The following PGBD5 variants were observed in gnomAD, a reference collection of about 807,000 sequenced individuals.
PGBD5 encodes piggyBac transposable element-derived protein 5.
In PGBD5, 14 loss-of-function variants were observed where a neutral mutation model predicts 47.9. The observed-to-expected ratio is 0.29, with a 90% CI of 0.19 to 0.46. The LOEUF is 0.46. Among genes scored for constraint, PGBD5 ranks in the 20% least tolerant of loss-of-function variants. The probability of loss-of-function intolerance (pLI) is 1.00; values close to 1 mark genes in which losing one functional copy is unlikely to be tolerated. For synonymous variants in PGBD5, 316 were observed against 306.3 expected (o/e 1.03, Z -0.33); for missense variants, 635 against 716.0 (o/e 0.89, Z 1.29).
intron 1 of PGBD5, among the ~76,000 whole-genome samples, chr1:230,415,754 GA>G (rs943701925): frequency 2.6e-5 from 4 of 152,202 alleles, no homozygotes; most frequent in African/African-American, 9.6e-5. Context: ...GGCAATGGGG[GA>G]AGACAGGTTT....
At chr1:230,373,541 A>G (rs1433959920) in intron 1 of PGBD5, among the ~76,000 whole-genome samples, 1 of 152,244 alleles carries the variant, frequency 6.6e-6, no homozygotes, top group Non-Finnish European at 1.5e-5. Context: ...AGCATGCTTA[A>G]AAGACCAGCT....
At chr1:230,351,520 T>C (rs574981454) in intron 2 of PGBD5, among the ~76,000 whole-genome samples, 7 of 152,152 alleles carry the variant, frequency 4.6e-5, no homozygotes, top group Non-Finnish European at 8.8e-5. Context: ...AAGTTCCAAC[T>C]GCTAAAAAAG....
chr1:230,388,415 A>G (rs1330509194), intron 1 of PGBD5, among the ~76,000 whole-genome samples: 3 of 134,490 alleles, frequency 2.2e-5, no homozygotes, highest in South Asian at 4.8e-4. Context: ...TGTTGGCCAC[A>G]TTTTTTTTTT....
intron 1 of PGBD5, among the ~76,000 whole-genome samples, chr1:230,400,206 T>A (rs1482773966): frequency 6.6e-6 from 1 of 152,138 alleles, no homozygotes; most frequent in Non-Finnish European, 1.5e-5. Flanking sequence ...CTCACCTGGA[T>A]GGGAGGGATC....
Position 230,400,441 on chromosome 1 carries a change from C to T in PGBD5, c.331+25157G>A, listed in dbSNP as rs146582518. 2.1e-3 allele frequency among the ~76,000 whole-genome samples: 325 copies of T among 152,116 alleles called. 12 individuals are homozygous for T. In the East Asian group the frequency reaches 0.048, roughly 22 times the overall value. ...TTGGTTCACTGCTTATTGTCTGTTA[C>T]CCACTCTAGAATGTGTGCTTCATGG... On this transcript the variant is annotated intron_variant, in intron 1 of 6. Coordinates refer to ENST00000391860, the MANE Select transcript of PGBD5 (RefSeq NM_001258311.2).
rs944345869 is a variant in PGBD5, at chr1:230,323,287, C to T, written c.*138G>A. On this transcript the variant is annotated 3_prime_UTR_variant, in exon 7 of 7. Transcript: ENST00000391860. This position sits in a 1 kb window ranked among gnomAD's most constrained non-coding sequence, Gnocchi z 4.1. Reference sequence around the variant, plus strand: ...GTCCTCTGACCAGGTCCATCCTGTCCCTCCAGAGGCCCTGTGCATCCCTCC... The same window carrying T: ...GTCCTCTGACCAGGTCCATCCTGTCTCTCCAGAGGCCCTGTGCATCCCTCC... 2 of 933,884 alleles carry T rather than the reference C, an allele frequency of 2.1e-6. No homozygotes were observed. The highest frequency in any genetic ancestry group is 3.2e-6 in the Non-Finnish European group (2 of 634,088). 57.8% of individuals were successfully genotyped at this position (933,884 alleles called of 1,614,324 possible).
At chr1:230,368,556 G>A (rs997087084) in intron 1 of PGBD5, among the ~76,000 whole-genome samples, 2 of 152,224 alleles carry the variant, frequency 1.3e-5, no homozygotes, top group African/African-American at 4.8e-5. Flanking sequence ...TGAATGAGTG[G>A]GGAAATGAAA....
chr1:230,412,855 T>C (rs1657442387), intron 1 of PGBD5, among the ~76,000 whole-genome samples: 1 of 152,158 alleles, frequency 6.6e-6, no homozygotes, highest in South Asian at 2.1e-4. Flanking sequence ...ACTGTATATA[T>C]TTTCGCATGC....
chr1:230,352,089 C>G (rs185433516), intron 2 of PGBD5, among the ~76,000 whole-genome samples: 2 of 121,086 alleles, frequency 1.7e-5, no homozygotes, highest in African/African-American at 7.4e-5. Context: ...GAACTCTACA[C>G]GATGCCCTAG....
At chr1:230,421,313 C>T (rs1657642131) in intron 1 of PGBD5, among the ~76,000 whole-genome samples, 1 of 152,074 alleles carries the variant, frequency 6.6e-6, no homozygotes, top group African/African-American at 2.4e-5. Flanking sequence ...ATCCGCTTCC[C>T]CCCAAAACTA....
intron 1 of PGBD5, among the ~76,000 whole-genome samples, chr1:230,418,988 T>C (rs1258235227): frequency 6.6e-6 from 1 of 152,276 alleles, no homozygotes; most frequent in Non-Finnish European, 1.5e-5. Context: ...GCAGCCACTG[T>C]GCAGAGAACT....
At chr1:230,372,695 A>G (rs564727468) in intron 1 of PGBD5, among the ~76,000 whole-genome samples, 1 of 152,342 alleles carries the variant, frequency 6.6e-6, no homozygotes, top group East Asian at 1.9e-4. Context: ...TGAGGGAAAC[A>G]GTGATGGAGA....
Position 230,379,693 on chromosome 1 carries a change from G to A in PGBD5, c.332-22372C>T, listed in dbSNP as rs141593023. Among the ~76,000 whole-genome samples the A allele has an allele frequency of 5.1e-3, 781 of 152,304 alleles. 6 individuals carry two copies. Among genetic ancestry groups the A allele is most frequent in the African/African-American group, 0.017 (717 of 41,562 alleles). The stretch of plus-strand genomic sequence containing the variant: ...GCTCAACTAGCCTGTTGGCACCCCA[G>A]AGGTAGTTCCTCCTTCCTCTGCACC... On this transcript the variant is annotated intron_variant, in intron 1 of 6. Transcript: ENST00000391860.
chr1:230,362,913 G>A (rs1294497463), intron 1 of PGBD5, among the ~76,000 whole-genome samples: 1 of 152,136 alleles, frequency 6.6e-6, no homozygotes, highest in Non-Finnish European at 1.5e-5. Context: ...CATATGGGGA[G>A]GCCTGAGTGG....
At chr1:230,378,480 C>G (rs987615608) in intron 1 of PGBD5, among the ~76,000 whole-genome samples, 9 of 152,228 alleles carry the variant, frequency 5.9e-5, no homozygotes, top group African/African-American at 2.2e-4. Context: ...CTACAAGCAC[C>G]TGAGCATGCC....
intron 1 of PGBD5, among the ~76,000 whole-genome samples, chr1:230,385,024 A>C (rs1045275804): frequency 2.0e-5 from 3 of 152,212 alleles, no homozygotes; most frequent in Admixed American, 6.5e-5. Flanking sequence ...TGACAGTTAA[A>C]ATTGCTGCCT....
chr1:230,387,962 G>C (rs1290970269), intron 1 of PGBD5, among the ~76,000 whole-genome samples: 2 of 152,164 alleles, frequency 1.3e-5, no homozygotes, highest in Non-Finnish European at 2.9e-5. Context: ...TTTTGACCCA[G>C]GCCAGTGAGA....
At chr1:230,376,988 A>G (rs918498711) in intron 1 of PGBD5, among the ~76,000 whole-genome samples, 2 of 152,172 alleles carry the variant, frequency 1.3e-5, no homozygotes, top group Non-Finnish European at 2.9e-5. Context: ...AGCAGCTACA[A>G]TTACGGTCAG....
rs759496321 is a variant in PGBD5 at position 230,357,293 on chromosome 1, G to A, written c.360C>T (p.Ala120=). The A allele has an allele frequency of 1.9e-6, 3 of 1,613,668 alleles. No homozygotes were observed. The highest frequency in any genetic ancestry group is 1.1e-5 in the South Asian group (1 of 91,072). Residue 120 remains alanine (A), a synonymous_variant, in exon 2 of 7, where the codon GCC becomes GCT. Coordinates refer to ENST00000391860, the MANE Select transcript of PGBD5 (RefSeq NM_001258311.2). The surrounding 1 kb of genome is among the most constrained non-coding windows in gnomAD (Gnocchi z 5.7). Reference sequence around the variant, plus strand: ...AGAGCTGGAAGAAGTCCACGGCACTGGCGCTGGGGGGCATCTTTCGGGTGG... The same window carrying A: ...AGAGCTGGAAGAAGTCCACGGCACTAGCGCTGGGGGGCATCTTTCGGGTGG... The part of the protein sequence containing the change: ...GGPTRKMPPS[A]SAVDFFQLFV...
Sources: allele counts gnomAD v4.1 joint callset (sites outside exome capture counted in the v4.1 genomes callset), GRCh38; gene constraint gnomAD v4.1.1; non-coding constraint Gnocchi (gnomAD v3.1); transcripts MANE v1.5; gene names NCBI Gene and HGNC (gene_info 2026-07-23, HGNC 2026-07-21).